Variants in TP63 observed in about 807,000 individuals in gnomAD.
The protein encoded by TP63 is tumor protein 63.
Under a neutral mutation model 82.8 loss-of-function variants are expected in TP63, and 17 were observed. The ratio of observed to expected loss-of-function variants is 0.21; its 90% confidence interval spans 0.14 to 0.31. The LOEUF is 0.31. Ranked by LOEUF, TP63 falls within the 10% of genes least tolerant of loss-of-function variation. TP63 has a pLI of 1.00. For missense variants in TP63, 648 were observed against 895.3 expected (o/e 0.72, Z 3.52); for synonymous variants, 330 against 321.7 (o/e 1.03, Z -0.28).
At chr3:189,671,060 C>T (rs1714846980) in intron 1 of TP63, among the ~76,000 whole-genome samples, 1 of 151,834 alleles carries the variant, frequency 6.6e-6, no homozygotes, top group African/African-American at 2.4e-5. Flanking sequence ...AACTTGTGCA[C>T]AGCAAAGGAA....
chr3:189,862,703 T>C (rs1024584570), intron 4 of TP63, among the ~76,000 whole-genome samples: 4 of 152,224 alleles, frequency 2.6e-5, no homozygotes, highest in African/African-American at 9.6e-5. Context: ...AGGAAGTTCT[T>C]AACATGTCAT....
At chr3:189,807,077 A>AT (rs200618705) in intron 3 of TP63, among the ~76,000 whole-genome samples, 64 of 151,634 alleles carry the variant, frequency 4.2e-4, no homozygotes, top group East Asian at 2.1e-3. Context: ...CTTGCTTTTG[A>AT]TTTTTTTTTC....
intron 1 of TP63, among the ~76,000 whole-genome samples, chr3:189,702,549 G>C (rs1717892330): frequency 6.6e-6 from 1 of 152,180 alleles, no homozygotes; most frequent in South Asian, 2.1e-4. Flanking sequence ...TTCCTCTCCT[G>C]CCTGGGTCCC....
intron 1 of TP63, among the ~76,000 whole-genome samples, chr3:189,635,494 T>A (rs779739049): frequency 2.6e-5 from 4 of 152,088 alleles, no homozygotes; most frequent in African/African-American, 9.7e-5. Flanking sequence ...TCTTTTCTTC[T>A]CTGGTTTCCT....
chr3:189,873,264 G>T lies in TP63; in HGVS notation c.1349+269G>T, dbSNP rs9844653. The T allele has an allele frequency of 0.84, 433,213 of 518,762 alleles. 181,854 individuals carry two copies. The highest frequency in any genetic ancestry group is 0.97 in the East Asian group (27,079 of 27,776). 32.1% of individuals were successfully genotyped at this position (518,762 alleles called of 1,614,324 possible). A position where few individuals can be genotyped will look rare whatever the true frequency, so the allele number is the denominator to read the frequency against. Reference sequence around the variant, plus strand: ...AAAGAAACTCACACTAACAGTTCTCGTCTCTATATGCCTGGTCCATACACA... The same window carrying T: ...AAAGAAACTCACACTAACAGTTCTCTTCTCTATATGCCTGGTCCATACACA... On this transcript the variant is annotated intron_variant, in intron 10 of 13. Coordinates refer to ENST00000264731, the MANE Select transcript of TP63 (RefSeq NM_003722.5).
intron 1 of TP63, among the ~76,000 whole-genome samples, chr3:189,691,338 CAAAAAAAAAA>C (rs781098833): frequency 1.5e-5 from 1 of 67,110 alleles, no homozygotes; most frequent in Non-Finnish European, 2.8e-5. Flanking sequence ...GACTCCATCT[CAAAAAAAAAA>C]AAAAAAAAAA....
intron 1 of TP63, among the ~76,000 whole-genome samples, chr3:189,634,477 GTT>G (rs11293774): frequency 6.6e-6 from 1 of 151,846 alleles, no homozygotes; most frequent in African/African-American, 2.4e-5. Context: ...TTCATCCTCT[GTT>G]TTTTTTCCTT....
intron 1 of TP63, among the ~76,000 whole-genome samples, chr3:189,641,815 A>G (rs1287970090): frequency 6.6e-6 from 1 of 152,212 alleles, no homozygotes; most frequent in Non-Finnish European, 1.5e-5. Context: ...TTCAATCTAA[A>G]CAAGGTATGT....
intron 4 of TP63, among the ~76,000 whole-genome samples, chr3:189,857,699 G>A (rs933085586): frequency 1.3e-5 from 2 of 151,944 alleles, no homozygotes; most frequent in Non-Finnish European, 2.9e-5. Flanking sequence ...TTAAAAAATG[G>A]CCAAAAGACC....
chr3:189,737,788 A>G lies in TP63; in HGVS notation c.111A>G (p.Arg37=), dbSNP rs1266162656. The G allele has an allele frequency of 1.9e-6, 3 of 1,613,994 alleles. No individual in the cohort carries two copies. Among genetic ancestry groups the G allele is most frequent in the Non-Finnish European group, 2.5e-6 (3 of 1,179,884 alleles). ...AHFSWKESYY[R]STMSQSTQTN... is the part of the protein sequence containing the mutation. ...TCTCTTGGAAAGAAAGTTATTACCG[A>G]TCCACCATGTCCCAGAGCACACAGA... Residue 37 remains arginine, a synonymous_variant, in exon 2 of 14, where the codon CGA becomes CGG. Coordinates refer to ENST00000264731, the MANE Select transcript of TP63 (RefSeq NM_003722.5).
intron 3 of TP63, among the ~76,000 whole-genome samples, chr3:189,758,639 C>G (rs1424526734): frequency 1.3e-5 from 2 of 152,226 alleles, no homozygotes; most frequent in African/African-American, 2.4e-5. Context: ...CACTCCTGCT[C>G]TAGAACTTGT....
At chr3:189,797,988 T>A (rs950411117) in intron 3 of TP63, among the ~76,000 whole-genome samples, 1 of 152,008 alleles carries the variant, frequency 6.6e-6, no homozygotes, top group Non-Finnish European at 1.5e-5. Context: ...CTCTGTTTCT[T>A]CCTCATTGCT....
intron 5 of TP63, among the ~76,000 whole-genome samples, chr3:189,866,185 A>C (rs148372600): frequency 1.3e-5 from 2 of 152,304 alleles, no homozygotes; most frequent in African/African-American, 4.8e-5. Context: ...CTTTATAATC[A>C]ACACAATGTT....
chr3:189,625,300 A>G, the TP63 span, among the ~76,000 whole-genome samples: 1 of 152,168 alleles, frequency 6.6e-6, no homozygotes, highest in Non-Finnish European at 1.5e-5. Flanking sequence ...ATGCACTGAG[A>G]TGGACACGGC....
chr3:189,803,727 A>C (rs1373716000), intron 3 of TP63, among the ~76,000 whole-genome samples: 2 of 152,212 alleles, frequency 1.3e-5, no homozygotes, highest in Non-Finnish European at 2.9e-5. Context: ...AACTACAAAT[A>C]AATTTTCCAG....
intron 3 of TP63, among the ~76,000 whole-genome samples, chr3:189,785,815 G>T (rs1724557999): frequency 6.6e-6 from 1 of 152,042 alleles, no homozygotes; most frequent in Admixed American, 6.6e-5. Context: ...TAGGAAAGAT[G>T]AAGTTATATA....
rs1726292534 is a variant in TP63 at position 189,801,416 on chromosome 3, A to G, written c.325-6856A>G. On this transcript the variant is annotated intron_variant, in intron 3 of 13. Transcript: ENST00000264731. ...TTCTGCTTAGTTTGATACTTCTTTGATATAAAATGATAATAATTCCTTCAG... is the reference window on the plus strand; with the variant it reads ...TTCTGCTTAGTTTGATACTTCTTTGGTATAAAATGATAATAATTCCTTCAG... 2.0e-5 allele frequency among the ~76,000 whole-genome samples: 3 copies of G among 152,160 alleles called. No individual in the cohort carries two copies. In the South Asian group the frequency reaches 6.2e-4, roughly 32 times the overall value.
At chr3:189,699,975 G>C (rs1005130093) in intron 1 of TP63, among the ~76,000 whole-genome samples, 3 of 152,140 alleles carry the variant, frequency 2.0e-5, no homozygotes, top group African/African-American at 7.2e-5. Context: ...AAACAAAAGA[G>C]TTATGTGCGC....
At chr3:189,855,535 A>G (rs1346700417) in intron 4 of TP63, among the ~76,000 whole-genome samples, 1 of 152,168 alleles carries the variant, frequency 6.6e-6, no homozygotes, top group African/African-American at 2.4e-5. Context: ...AAATTATACT[A>G]TTCTACTAAA....
Sources: allele counts gnomAD v4.1 joint callset (sites outside exome capture counted in the v4.1 genomes callset), GRCh38; gene constraint gnomAD v4.1.1; transcripts MANE v1.5; gene names NCBI Gene and HGNC (gene_info 2026-07-23, HGNC 2026-07-21).